Variants in KALRN observed in about 807,000 individuals in gnomAD.
The protein encoded by KALRN is kalirin RhoGEF kinase.
A neutral mutation model predicts 353.7 loss-of-function variants in KALRN; 70 were observed. The ratio of observed to expected loss-of-function variants is 0.20; its 90% confidence interval spans 0.16 to 0.24. The LOEUF is 0.24. KALRN is among the 10% of genes least tolerant of loss of function. The pLI is 1.00. For synonymous variants in KALRN, 1,391 were observed against 1,434.8 expected (o/e 0.97, Z 0.69); for missense variants, 2,791 against 3,756.7 (o/e 0.74, Z 6.72).
At chr3:124,179,357 T>C (rs1458128310) in intron 1 of KALRN, among the ~76,000 whole-genome samples, 1 of 152,156 alleles carries the variant, frequency 6.6e-6, no homozygotes, top group Non-Finnish European at 1.5e-5. Flanking sequence ...GAATCATCAA[T>C]ATCACTGTCT....
At chr3:124,480,649 G>C (rs532026823) in intron 27 of KALRN, among the ~76,000 whole-genome samples, 282 of 152,112 alleles carry the variant, frequency 1.9e-3, no homozygotes, top group Admixed American at 3.6e-3. Flanking sequence ...CAATTTTAGG[G>C]CACTTTTATC....
At chr3:124,700,059 C>G (rs1272591920) in intron 56 of KALRN, 26 bp downstream of exon 56, 2 of 1,611,402 alleles carry the variant, frequency 1.2e-6, no homozygotes, top group Non-Finnish European at 1.7e-6. Context: ...GCCCTGGCCC[C>G]CCAGGCAGTG....
chr3:124,668,350 G>A (rs911979295), intron 47 of KALRN, among the ~76,000 whole-genome samples: 3 of 152,234 alleles, frequency 2.0e-5, no homozygotes, highest in Non-Finnish European at 2.9e-5. Flanking sequence ...TGAGGACCTT[G>A]AGGAGTCATG....
intron 34 of KALRN, among the ~76,000 whole-genome samples, chr3:124,624,409 T>G (rs676091): frequency 0.029 from 4,421 of 152,288 alleles, 209 homozygotes; most frequent in African/African-American, 0.1. Flanking sequence ...TAGGTACACA[T>G]GTATAGAAAA....
chr3:124,508,627 C>G (rs185223743), intron 33 of KALRN, among the ~76,000 whole-genome samples: 5 of 152,222 alleles, frequency 3.3e-5, no homozygotes, highest in Admixed American at 3.3e-4. Context: ...GGTATACATA[C>G]CCCTGTGCAT....
intron 10 of KALRN, among the ~76,000 whole-genome samples, chr3:124,368,470 C>T (rs1207220046): frequency 2.2e-4 from 33 of 149,340 alleles, no homozygotes; most frequent in African/African-American, 6.4e-4. Flanking sequence ...GATGGGCGGC[C>T]GGGCAGAGAC....
In KALRN at chr3:124,587,294, G is replaced by A. The variant is rs550493290; in HGVS notation, c.5182+24205G>A. 4.6e-5 allele frequency among the ~76,000 whole-genome samples: 7 copies of A among 152,290 alleles called. No individual in the cohort carries two copies. The South Asian group carries it at 1.2e-3, about 27-fold the overall frequency. ...CAGGGAGAACTTGGCTGTCTCCTGC[G>A]GCTTGAGTAGCTTGACTCTGAAGCA... On this transcript the variant is annotated intron_variant, in intron 34 of 59. Coordinates refer to ENST00000682506, the MANE Select transcript of KALRN (RefSeq NM_001388419.1).
chr3:124,416,582 C>T (rs895388423), intron 14 of KALRN, among the ~76,000 whole-genome samples: 16 of 152,250 alleles, frequency 1.1e-4, no homozygotes, highest in African/African-American at 3.9e-4. Flanking sequence ...TAGGAATGCT[C>T]ACTCCCTGTC....
intron 5 of KALRN, among the ~76,000 whole-genome samples, chr3:124,270,646 A>T (rs953657027): frequency 6.6e-6 from 1 of 152,062 alleles, no homozygotes; most frequent in South Asian, 2.1e-4. Context: ...AGTGGCCTGG[A>T]AGCCTGGGTC....
chr3:124,666,168 T>TATTACCTTCCTGCCTTCTGGC (rs2085590186), intron 45 of KALRN, among the ~76,000 whole-genome samples: 1 of 152,040 alleles, frequency 6.6e-6, no homozygotes, highest in African/African-American at 2.4e-5. Context: ...CTGCTAATGA[T>TATTACCTTCCTGCCTTCTGGC]ATTACCTTCC....
intron 13 of KALRN, among the ~76,000 whole-genome samples, chr3:124,405,998 A>G (rs1457317203): frequency 6.6e-6 from 1 of 152,234 alleles, no homozygotes; most frequent in Non-Finnish European, 1.5e-5. Flanking sequence ...AAAATTGGCC[A>G]TAAAAATAAT....
intron 33 of KALRN, among the ~76,000 whole-genome samples, chr3:124,520,678 G>T (rs189537092): frequency 5.9e-5 from 9 of 152,258 alleles, no homozygotes; most frequent in African/African-American, 2.2e-4. Context: ...ACAAACTTGG[G>T]CCAACTCTTT....
intron 1 of KALRN, among the ~76,000 whole-genome samples, chr3:124,191,537 A>T (rs2074918638): frequency 6.6e-6 from 1 of 152,154 alleles, no homozygotes; most frequent in Non-Finnish European, 1.5e-5. Context: ...ACAATATCAC[A>T]AGCTGCCTTC....
At chr3:124,286,095 C>CTTTCTT (rs1260218615) in intron 5 of KALRN, among the ~76,000 whole-genome samples, 1 of 140,860 alleles carries the variant, frequency 7.1e-6, no homozygotes, top group Non-Finnish European at 1.5e-5. Flanking sequence ...TTCTTTCTTT[C>CTTTCTT]TTTCTTTCTT....
intron 35 of KALRN, 23 bp downstream of exon 35, chr3:124,632,726 T>C (rs41264661): frequency 0.019 from 30,352 of 1,604,594 alleles, 358 homozygotes; most frequent in Non-Finnish European, 0.023. Flanking sequence ...GGCCCTGGAG[T>C]TGTCCATCAG....
At chr3:124,493,821 A>T (rs1288472794) in intron 32 of KALRN, among the ~76,000 whole-genome samples, 4 of 152,232 alleles carry the variant, frequency 2.6e-5, no homozygotes, top group Admixed American at 2.0e-4. Context: ...AAGCCCCAAG[A>T]CCTGCATGAC....
chr3:124,134,800 G>A (rs1203677928), intron 1 of KALRN, among the ~76,000 whole-genome samples: 4 of 152,144 alleles, frequency 2.6e-5, no homozygotes, highest in Non-Finnish European at 5.9e-5. Flanking sequence ...AATGATCAGG[G>A]AAATGCAAAT....
At chr3:124,149,588 T>C (rs773884977) in intron 1 of KALRN, among the ~76,000 whole-genome samples, 15 of 152,182 alleles carry the variant, frequency 9.9e-5, no homozygotes, top group Non-Finnish European at 2.2e-4. Context: ...ACATGACAAA[T>C]ATGTTCTATC....
At chr3:124,628,145 CTCCCTCCCTCCCTCCCTTCCT>C (rs2080180922) in intron 34 of KALRN, among the ~76,000 whole-genome samples, 1 of 70,832 alleles carries the variant, frequency 1.4e-5, no homozygotes, top group Non-Finnish European at 2.6e-5. Flanking sequence ...TCCATCCTCC[CTCCCTCCCTCCCTCCCTTCCT>C]TCCTTCCCTC....
Sources: gnomAD v4.1 joint callset for allele counts (sites outside exome capture counted in the v4.1 genomes callset) on GRCh38, gnomAD v4.1.1 for gene constraint, MANE v1.5 for transcripts, NCBI Gene and HGNC (gene_info 2026-07-23, HGNC 2026-07-21) for gene names.